OPA1: variants seen among roughly 807,000 people sequenced by gnomAD.
OPA1 encodes the protein dynamin-like GTPase OPA1, mitochondrial.
Under a neutral mutation model 152.9 loss-of-function variants are expected in OPA1, and 59 were observed. That is an observed-to-expected ratio of 0.39 (90% confidence interval 0.31 to 0.48). OPA1 has a LOEUF of 0.48. Among genes scored for constraint, OPA1 ranks in the 20% least tolerant of loss-of-function variants. OPA1 has a pLI of 0.96. For missense variants in OPA1, 1,008 were observed against 1,216.8 expected (o/e 0.83, Z 2.55); for synonymous variants, 400 against 389.9 (o/e 1.03, Z -0.31).
intron 26 of OPA1, 50 bp from the exon 27 acceptor site, chr3:193,664,830 C>A: frequency 1.0e-6 from 1 of 985,296 alleles, no homozygotes; most frequent in Admixed American, 1.8e-5. Flanking sequence ...TGTGGTTGAT[C>A]AACATGAAGA....
intron 6 of OPA1, among the ~76,000 whole-genome samples, chr3:193,622,785 C>T (rs1730383356): frequency 6.6e-6 from 1 of 152,120 alleles, no homozygotes; most frequent in Non-Finnish European, 1.5e-5. Context: ...CTCAGAGCAC[C>T]TGGGATAGTC....
At chr3:193,655,202 A>G in intron 22 of OPA1, 175 bp downstream of exon 22, 1 of 630,460 alleles carries the variant, frequency 1.6e-6, no homozygotes, top group Non-Finnish European at 2.7e-6. Context: ...GCTACCAGTT[A>G]CTACGGTTAT....
chr3:193,688,449 C>CTTTTTTTTTTTTTTTTTTTTTT lies in OPA1; in HGVS notation c.2984-3588_2984-3567dup, dbSNP rs766448341. Among the ~76,000 whole-genome samples the CTTTTTTTTTTTTTTTTTTTTTT allele has an allele frequency of 6.3e-5, 4 of 63,358 alleles. 1 individual carries two copies. The highest frequency in any genetic ancestry group is 1.3e-4 in the Non-Finnish European group (4 of 30,308). 41.6% of individuals were successfully genotyped at this position (63,358 alleles called of 152,430 possible). On this transcript the variant is annotated intron_variant, in intron 29 of 30. Transcript: ENST00000361510. ...TGATTTTTACTGAAATGGGTCTTTT[C>CTTTTTTTTTTTTTTTTTTTTTT]TTTTTTTTTTTTTTTTTTTTTTTTT...
At chr3:193,615,268 A>C (rs1728842000) in intron 2 of OPA1, among the ~76,000 whole-genome samples, 1 of 145,130 alleles carries the variant, frequency 6.9e-6, no homozygotes, top group Non-Finnish European at 1.5e-5. Context: ...CAGGGCTGGG[A>C]ATAGGAACAC....
intron 25 of OPA1, among the ~76,000 whole-genome samples, chr3:193,660,808 C>T (rs1240878545): frequency 1.3e-5 from 2 of 151,908 alleles, no homozygotes; most frequent in African/African-American, 2.4e-5. Flanking sequence ...GTTCAGGGTG[C>T]GTTGGTTATC....
intron 11 of OPA1, 68 bp from the exon 12 acceptor site, chr3:193,642,697 A>G (rs565782622): frequency 4.2e-6 from 5 of 1,188,276 alleles, no homozygotes; most frequent in South Asian, 3.7e-5. Context: ...TCTAGACCAC[A>G]TACGGGCTGT....
At chr3:193,658,084 A>G (rs1409303034) in intron 23 of OPA1, among the ~76,000 whole-genome samples, 1 of 152,080 alleles carries the variant, frequency 6.6e-6, no homozygotes, top group Admixed American at 6.5e-5. Flanking sequence ...CGTCTCTACT[A>G]AAAATACAAA....
At chr3:193,649,876 A>G (rs1711960298) in intron 21 of OPA1, among the ~76,000 whole-genome samples, 1 of 152,284 alleles carries the variant, frequency 6.6e-6, no homozygotes, top group South Asian at 2.1e-4. Context: ...GTTTATTTGT[A>G]TCTTAGCCCA....
chr3:193,661,301 A>G (rs1715211529), intron 25 of OPA1, among the ~76,000 whole-genome samples: 1 of 152,196 alleles, frequency 6.6e-6, no homozygotes, highest in Non-Finnish European at 1.5e-5. Context: ...ATAATTTGGA[A>G]TATAGAAGGG....
intron 1 of OPA1, among the ~76,000 whole-genome samples, chr3:193,594,044 G>A: frequency 6.6e-6 from 1 of 152,116 alleles, no homozygotes; most frequent in Non-Finnish European, 1.5e-5. Context: ...ATGCAAGGTC[G>A]TGAACGTGGC....
At chr3:193,622,951 T>C (rs1730419815) in intron 6 of OPA1, among the ~76,000 whole-genome samples, 1 of 152,206 alleles carries the variant, frequency 6.6e-6, no homozygotes, top group South Asian at 2.1e-4. Context: ...TTGGCAACCA[T>C]TGAGGAGAAC....
chr3:193,674,366 A>G (rs932860117), intron 29 of OPA1, among the ~76,000 whole-genome samples: 1 of 152,232 alleles, frequency 6.6e-6, no homozygotes, highest in African/African-American at 2.4e-5. Flanking sequence ...ATCATGTTTT[A>G]AATGAAAACT....
At chr3:193,633,103 T>G (rs1229349155) in intron 8 of OPA1, among the ~76,000 whole-genome samples, 1 of 49,896 alleles carries the variant, frequency 2.0e-5, no homozygotes, top group Non-Finnish European at 4.6e-5. Context: ...TGAGTGGCAC[T>G]ATATCTATGT....
intron 1 of OPA1, among the ~76,000 whole-genome samples, chr3:193,606,716 G>A (rs1442714621): frequency 2.6e-5 from 4 of 152,086 alleles, no homozygotes; most frequent in African/African-American, 9.7e-5. Flanking sequence ...GAATAGTGCT[G>A]CAATAAACAT....
At chr3:193,671,316 T>G (rs1235766229) in intron 29 of OPA1, among the ~76,000 whole-genome samples, 1 of 152,146 alleles carries the variant, frequency 6.6e-6, no homozygotes. Context: ...TTACCAAAGA[T>G]GTAGAACTTA....
chr3:193,674,276 G>A (rs1718528986), intron 29 of OPA1, among the ~76,000 whole-genome samples: 1 of 152,102 alleles, frequency 6.6e-6, no homozygotes, highest in South Asian at 2.1e-4. Context: ...TTTTTATTTA[G>A]GTCTGCATGA....
chr3:193,682,346 A>G (rs1720284286), intron 29 of OPA1, among the ~76,000 whole-genome samples: 1 of 152,256 alleles, frequency 6.6e-6, no homozygotes, highest in African/African-American at 2.4e-5. Flanking sequence ...GCCATTCTGC[A>G]ACATGAAAGT....
chr3:193,642,383 T>C (rs1733918880), intron 11 of OPA1, among the ~76,000 whole-genome samples: 1 of 152,214 alleles, frequency 6.6e-6, no homozygotes, highest in Non-Finnish European at 1.5e-5. Flanking sequence ...GTCCTTTACC[T>C]AAATTCATCT....
Position 193,652,397 on chromosome 3 carries a change from A to AC in OPA1, c.2013-2465_2013-2464insC, listed in dbSNP as rs201595647. Among the ~76,000 whole-genome samples the AC allele has an allele frequency of 1.0e-3, 155 of 152,114 alleles. 1 individual carries two copies. Among genetic ancestry groups the AC allele is most frequent in the African/African-American group, 2.7e-3 (111 of 41,510 alleles). The stretch of plus-strand genomic sequence containing the variant: ...ACCCTGTCTGAAAACAAACAAACAA[A>AC]AAAAAAAAACCATAGAATATAGGCT... On this transcript the variant is annotated intron_variant, in intron 21 of 30. Transcript: ENST00000361510.
Sources: gnomAD v4.1 joint callset for allele counts (sites outside exome capture counted in the v4.1 genomes callset) on GRCh38, gnomAD v4.1.1 for gene constraint, MANE v1.5 for transcripts, NCBI Gene and HGNC (gene_info 2026-07-23, HGNC 2026-07-21) for gene names.